Variants in ST6GALNAC3 observed in about 807,000 individuals in gnomAD.
ST6GALNAC3 encodes the protein ST6 N-acetylgalactosaminide alpha-2,6-sialyltransferase 3.
In ST6GALNAC3, 25 loss-of-function variants were observed where a neutral mutation model predicts 32.7. That is an observed-to-expected ratio of 0.76 (90% CI 0.56 to 1.07). The LOEUF is 1.07. Ranked by LOEUF, ST6GALNAC3 falls within the 50% of genes least tolerant of loss-of-function variation. The pLI, the probability that ST6GALNAC3 is intolerant of heterozygous loss-of-function variation, is 0.00. For missense variants in ST6GALNAC3, 355 were observed against 382.4 expected, an observed-to-expected ratio of 0.93 and a Z score of 0.60; for synonymous variants, 129 against 133.1, an observed-to-expected ratio of 0.97 and a Z score of 0.21.
intron 3 of ST6GALNAC3, among the ~76,000 whole-genome samples, chr1:76,498,791 G>A (rs187076226): frequency 1.5e-3 from 220 of 151,570 alleles, no homozygotes; most frequent in Middle Eastern, 6.9e-3. Context: ...AATTTTAAAT[G>A]ACTTGTCCAA....
intron 1 of ST6GALNAC3, among the ~76,000 whole-genome samples, chr1:76,184,396 G>C (rs148288846): frequency 1.3e-5 from 2 of 151,918 alleles, no homozygotes; most frequent in Admixed American, 6.6e-5. Flanking sequence ...AAAATTAGCC[G>C]GGTGTGGTGG....
chr1:76,553,997 G>T (rs1424722759), intron 3 of ST6GALNAC3, among the ~76,000 whole-genome samples: 4 of 152,136 alleles, frequency 2.6e-5, no homozygotes, highest in African/African-American at 7.2e-5. Context: ...CTTTTTAAAA[G>T]ATTTCAGAAA....
At chr1:76,367,247 A>G (rs1419811992) in intron 2 of ST6GALNAC3, among the ~76,000 whole-genome samples, 1 of 152,142 alleles carries the variant, frequency 6.6e-6, no homozygotes, top group East Asian at 1.9e-4. Flanking sequence ...TCATATATAC[A>G]TTAAGTAAAT....
chr1:76,310,251 C>A (rs1372733837), intron 1 of ST6GALNAC3, among the ~76,000 whole-genome samples: 1 of 152,156 alleles, frequency 6.6e-6, no homozygotes, highest in African/African-American at 2.4e-5. Context: ...GCCATCTGTT[C>A]TGGTCTATGT....
At chr1:76,398,158 A>G (rs1437758615) in intron 2 of ST6GALNAC3, among the ~76,000 whole-genome samples, 6 of 130,128 alleles carry the variant, frequency 4.6e-5, no homozygotes, top group Non-Finnish European at 3.6e-5. Context: ...TTGATTTCCT[A>G]CAAAAAAAAA....
chr1:76,283,438 T>G (rs966598656), intron 1 of ST6GALNAC3, among the ~76,000 whole-genome samples: 1 of 152,210 alleles, frequency 6.6e-6, no homozygotes, highest in African/African-American at 2.4e-5. Context: ...GAAAGTGTTA[T>G]GTGTACATGA....
At chr1:76,150,586 G>A (rs1352569712) in intron 1 of ST6GALNAC3, among the ~76,000 whole-genome samples, 1 of 152,182 alleles carries the variant, frequency 6.6e-6, no homozygotes, top group Non-Finnish European at 1.5e-5. Context: ...TCTGTGGGTA[G>A]CTGTAATTTC....
chr1:76,427,387 C>T (rs1056134665), intron 3 of ST6GALNAC3, among the ~76,000 whole-genome samples: 2 of 152,010 alleles, frequency 1.3e-5, no homozygotes, highest in African/African-American at 4.8e-5. Context: ...AGCCTCTCAG[C>T]CCTGTGGATT....
Position 76,627,446 on chromosome 1 carries a change from C to T in ST6GALNAC3, c.624-6C>T. 1 of 1,590,544 alleles carries T rather than the reference C, an allele frequency of 6.3e-7. No individual in the cohort carries two copies. The highest frequency in any genetic ancestry group is 8.6e-7 in the Non-Finnish European group (1 of 1,159,694). On this transcript the variant is annotated splice_polypyrimidine_tract_variant and splice_region_variant and intron_variant, in intron 3 of 4. Transcript: ENST00000328299. The stretch of plus-strand genomic sequence containing the variant: ...GTTTGTTATTGTTTGTTTTCATTTC[C>T]CTCAGAGTCCAGTCTGGCTCATATC...
intron 2 of ST6GALNAC3, among the ~76,000 whole-genome samples, chr1:76,411,320 G>C (rs1405104467): frequency 6.6e-6 from 1 of 152,024 alleles, no homozygotes. Context: ...GGGAGAAAGG[G>C]ACTTAGACTA....
chr1:76,572,794 G>C (rs1449593347), intron 3 of ST6GALNAC3, among the ~76,000 whole-genome samples: 3 of 152,126 alleles, frequency 2.0e-5, no homozygotes, highest in African/African-American at 7.2e-5. Flanking sequence ...AATTTGTTGC[G>C]GAGACAGCAG....
chr1:76,217,820 A>G (rs1286307520), intron 1 of ST6GALNAC3, among the ~76,000 whole-genome samples: 2 of 152,168 alleles, frequency 1.3e-5, no homozygotes, highest in East Asian at 3.9e-4. Context: ...CTCCAGTTCT[A>G]TCCTGGTTGC....
At chr1:76,489,504 G>T (rs1660355347) in intron 3 of ST6GALNAC3, among the ~76,000 whole-genome samples, 1 of 151,848 alleles carries the variant, frequency 6.6e-6, no homozygotes, top group South Asian at 2.1e-4. Flanking sequence ...CTTTTTGCAT[G>T]TGGATGAAAA....
chr1:76,210,459 G>A (rs473380), intron 1 of ST6GALNAC3, among the ~76,000 whole-genome samples: 131,489 of 152,168 alleles, frequency 0.86, 58,749 homozygotes, highest in Non-Finnish European at 0.97. Context: ...ATTGAACCAA[G>A]TCTAATATCT....
Position 76,097,634 on chromosome 1 carries a change from G to T in ST6GALNAC3, c.18+22750G>T, listed in dbSNP as rs148099706. On this transcript the variant is annotated intron_variant, in intron 1 of 4. Coordinates refer to ENST00000328299, the MANE Select transcript of ST6GALNAC3 (RefSeq NM_152996.4). ...AGACTAATACAGCTTCTTTTTTTCA[G>T]TGTTATGTTTATGAAGTTCATCCAT... is the stretch of plus-strand genomic sequence containing the variant. Among the ~76,000 whole-genome samples the T allele has an allele frequency of 1.3e-3, 203 of 152,094 alleles. 1 individual carries two copies. Among genetic ancestry groups the T allele is most frequent in the African/African-American group, 4.5e-3 (185 of 41,496 alleles).
intron 3 of ST6GALNAC3, among the ~76,000 whole-genome samples, chr1:76,467,572 GTGTC>G (rs1421029651): frequency 3.3e-5 from 5 of 151,856 alleles, no homozygotes; most frequent in African/African-American, 1.2e-4. Context: ...ATCTGATTAA[GTGTC>G]TGCAGTAAAG....
chr1:76,079,769 C>T (rs768118646), intron 1 of ST6GALNAC3, among the ~76,000 whole-genome samples: 10 of 152,168 alleles, frequency 6.6e-5, no homozygotes, highest in Non-Finnish European at 1.3e-4. Context: ...TGCATCAGTT[C>T]TGTCTCAGGA....
At chr1:76,099,462 A>T (rs1312088344) in intron 1 of ST6GALNAC3, among the ~76,000 whole-genome samples, 1 of 152,238 alleles carries the variant, frequency 6.6e-6, no homozygotes, top group East Asian at 1.9e-4. Context: ...AACAACCAGT[A>T]TGTTTATAAA....
At chr1:76,418,909 T>C (rs569575309) in intron 3 of ST6GALNAC3, among the ~76,000 whole-genome samples, 9 of 150,998 alleles carry the variant, frequency 6.0e-5, no homozygotes, top group Non-Finnish European at 1.0e-4. Flanking sequence ...TCCTCTGTAA[T>C]ACAAATGCGC....
Sources: allele counts gnomAD v4.1 joint callset (sites outside exome capture counted in the v4.1 genomes callset), GRCh38; gene constraint gnomAD v4.1.1; transcripts MANE v1.5; gene names NCBI Gene and HGNC (gene_info 2026-07-23, HGNC 2026-07-21).